The following CSNK1G1 variants were observed in gnomAD, a reference collection of about 807,000 sequenced individuals.
The protein encoded by CSNK1G1 is casein kinase I isoform gamma-1.
Under a neutral mutation model 59.6 loss-of-function variants are expected in CSNK1G1, and 22 were observed. The observed-to-expected ratio is 0.37, with a 90% CI of 0.26 to 0.53. The LOEUF is 0.53. Among genes scored for constraint, CSNK1G1 ranks in the 20% least tolerant of loss-of-function variants. The probability of loss-of-function intolerance (pLI) is 0.89; values close to 1 mark genes in which losing one functional copy is unlikely to be tolerated. For missense variants in CSNK1G1, 384 were observed against 519.5 expected, an observed-to-expected ratio of 0.74 and a Z score of 2.54; for synonymous variants, 179 against 177.1, an observed-to-expected ratio of 1.01 and a Z score of -0.08.
In CSNK1G1 at chr15:64,275,972, C is replaced by G. The variant is rs538030296; in HGVS notation, c.182-16731G>C. ...TTTGCAATGAAAAGCTGGTCAGTGG[C>G]TGGACTAGTTTCTATATAACTTTCC... On this transcript the variant is annotated intron_variant, in intron 2 of 11. Transcript: ENST00000303052. Among the ~76,000 whole-genome samples, 8 of 152,216 alleles carry G rather than the reference C, an allele frequency of 5.3e-5. No individual in the cohort carries two copies. The South Asian group carries it at 6.2e-4, about 12-fold the overall frequency.
intron 4 of CSNK1G1, among the ~76,000 whole-genome samples, chr15:64,246,454 C>T (rs1278052408): frequency 2.0e-5 from 3 of 151,914 alleles, no homozygotes; most frequent in African/African-American, 4.8e-5. Context: ...AGACTCCATC[C>T]CTACAAAAAA....
At position 64,199,250 on chromosome 15, in the gene CSNK1G1, CAAAAAAAAAAA is replaced by C. The variant is rs56819260; in HGVS notation, c.1107+3821_1107+3831del. ...TGGGCAACAGAGTGAAATCTTTTCT[CAAAAAAAAAAA>C]AAAAAAAAAAAGAAAAAGAAAAGAA... On this transcript the variant is annotated intron_variant, in intron 10 of 11. Transcript: ENST00000303052. Among the ~76,000 whole-genome samples the C allele has an allele frequency of 1.9e-4, 10 of 52,346 alleles. No homozygotes were observed. In the East Asian group the frequency reaches 3.8e-3, roughly 20 times the overall value. 34.3% of individuals were successfully genotyped at this position (52,346 alleles called of 152,430 possible).
At chr15:64,326,245 C>T (rs983041328) in intron 1 of CSNK1G1, among the ~76,000 whole-genome samples, 1 of 152,150 alleles carries the variant, frequency 6.6e-6, no homozygotes, top group Non-Finnish European at 1.5e-5. Context: ...AGGCCAGTCT[C>T]GAACTCTTGG....
rs1177388366 is a variant in CSNK1G1 at position 64,200,147 on chromosome 15, A to G, written c.1107+2935T>C. On this transcript the variant is annotated intron_variant, in intron 10 of 11. Transcript: ENST00000303052. This position sits in a 1 kb window ranked among gnomAD's most constrained non-coding sequence, Gnocchi z 4.3. Reference sequence around the variant, plus strand: ...GTAATCCCAGCTTCTCAGGAAGCTGAGGCAGAAGAATCGCTTGAACTCAGG... The same window carrying G: ...GTAATCCCAGCTTCTCAGGAAGCTGGGGCAGAAGAATCGCTTGAACTCAGG... Among the ~76,000 whole-genome samples, 1 of 151,782 alleles carries G rather than the reference A, an allele frequency of 6.6e-6. No individual in the cohort carries two copies.
intron 4 of CSNK1G1, among the ~76,000 whole-genome samples, chr15:64,238,937 C>T (rs2082657817): frequency 1.3e-5 from 2 of 152,018 alleles, no homozygotes; most frequent in Non-Finnish European, 1.5e-5. Flanking sequence ...ACAGGAGGAC[C>T]CAAAAGTCTT....
intron 1 of CSNK1G1, among the ~76,000 whole-genome samples, chr15:64,307,935 C>T (rs1895772716): frequency 6.6e-6 from 1 of 152,120 alleles, no homozygotes; most frequent in Admixed American, 6.5e-5. Context: ...ATCCACCCGC[C>T]TCAGCCTCCC....
intron 1 of CSNK1G1, among the ~76,000 whole-genome samples, chr15:64,343,208 A>AACACACACACACACACAC (rs3057760): frequency 0.065 from 7,133 of 109,958 alleles, 391 homozygotes; most frequent in South Asian, 0.079. Context: ...GCAAAACTCC[A>AACACACACACACACACAC]ACACACACAC....
At chr15:64,222,603 C>T (rs1333088930) in intron 4 of CSNK1G1, among the ~76,000 whole-genome samples, 1 of 151,022 alleles carries the variant, frequency 6.6e-6, no homozygotes, top group African/African-American at 2.4e-5. Context: ...TAACGTGTGG[C>T]ACCAATTCAA....
intron 1 of CSNK1G1, among the ~76,000 whole-genome samples, chr15:64,312,086 C>T (rs1237227952): frequency 6.6e-6 from 1 of 152,096 alleles, no homozygotes; most frequent in Non-Finnish European, 1.5e-5. Context: ...AACTACAAAC[C>T]ACTGCTCAAG....
chr15:64,349,119 G>C (rs1310045090), intron 1 of CSNK1G1, among the ~76,000 whole-genome samples: 1 of 144,928 alleles, frequency 6.9e-6, no homozygotes, highest in Middle Eastern at 3.3e-3. Context: ...CCTGGGCAAC[G>C]AGAGCGAAAC....
chr15:64,214,187 A>G lies in CSNK1G1; in HGVS notation c.445-63T>C, dbSNP rs1226154107. 1 of 1,205,656 alleles carries G rather than the reference A, an allele frequency of 8.3e-7. No homozygotes were observed. Among genetic ancestry groups the G allele is most frequent in the Admixed American group, 1.7e-5 (1 of 57,320 alleles). 74.7% of individuals were successfully genotyped at this position (1,205,656 alleles called of 1,614,324 possible). ...GTATATCAGGAAAATACATCAAAAC[A>G]GTTTCTTTAGCCAGACCAAGGTTTT... On this transcript the variant is annotated intron_variant, in intron 5 of 11. Coordinates refer to ENST00000303052, the MANE Select transcript of CSNK1G1 (RefSeq NM_022048.5). This position sits in a 1 kb window ranked among gnomAD's most constrained non-coding sequence, Gnocchi z 4.3.
chr15:64,307,772 C>T (rs532484710), intron 1 of CSNK1G1, among the ~76,000 whole-genome samples: 1 of 152,256 alleles, frequency 6.6e-6, no homozygotes, highest in South Asian at 2.1e-4. Context: ...CTGCAAGCTC[C>T]GTCTCCCGGG....
At chr15:64,256,835 C>T (rs1310757328) in intron 3 of CSNK1G1, among the ~76,000 whole-genome samples, 3 of 152,092 alleles carry the variant, frequency 2.0e-5, no homozygotes, top group Admixed American at 2.0e-4. Flanking sequence ...AGCTTCCTTG[C>T]ATTTCTGTGC....
At chr15:64,182,001 T>A (rs1219674979) in intron 10 of CSNK1G1, 1 of 151,374 alleles carries the variant, frequency 6.6e-6, no homozygotes, top group African/African-American at 2.4e-5. Flanking sequence ...TAGCAAGCTA[T>A]ATCCGCTATT....
intron 2 of CSNK1G1, among the ~76,000 whole-genome samples, chr15:64,263,650 T>C (rs1256781866): frequency 3.3e-5 from 5 of 152,156 alleles, no homozygotes; most frequent in African/African-American, 1.2e-4. Context: ...GTATATTTTA[T>C]AGCATTAACC....
chr15:64,236,892 T>C (rs12101678), intron 4 of CSNK1G1, among the ~76,000 whole-genome samples: 3,809 of 152,248 alleles, frequency 0.025, 153 homozygotes, highest in African/African-American at 0.08. Context: ...TTAACCTAAG[T>C]GTCCATCAAT....
intron 10 of CSNK1G1, among the ~76,000 whole-genome samples, chr15:64,197,886 G>A (rs1408514395): frequency 1.3e-5 from 2 of 151,710 alleles, no homozygotes; most frequent in Non-Finnish European, 2.9e-5. Flanking sequence ...TCCTTTACTC[G>A]CATCATATAT....
intron 2 of CSNK1G1, among the ~76,000 whole-genome samples, chr15:64,286,843 A>G (rs1894449594): frequency 6.6e-6 from 1 of 152,144 alleles, no homozygotes; most frequent in East Asian, 1.9e-4. Context: ...TAATTTACCA[A>G]TGTTTTTCCT....
intron 2 of CSNK1G1, among the ~76,000 whole-genome samples, chr15:64,270,130 G>A (rs1893208481): frequency 4.6e-5 from 7 of 152,144 alleles, no homozygotes; most frequent in Admixed American, 4.6e-4. Flanking sequence ...TTGTATTTCT[G>A]TGGGGTCAGT....
Sources: allele counts gnomAD v4.1 joint callset (sites outside exome capture counted in the v4.1 genomes callset), GRCh38; gene constraint gnomAD v4.1.1; non-coding constraint Gnocchi (gnomAD v3.1); transcripts MANE v1.5; gene names NCBI Gene and HGNC (gene_info 2026-07-23, HGNC 2026-07-21).